Variants in ZFAT observed in about 807,000 individuals in gnomAD.
The protein encoded by ZFAT is zinc finger and AT-hook domain containing.
ZFAT carries 64 observed loss-of-function variants against 117.7 expected under a neutral mutation model. That is an observed-to-expected ratio of 0.54 (90% CI 0.44 to 0.67). ZFAT has a LOEUF of 0.67. Among genes scored for constraint, ZFAT ranks in the 30% least tolerant of loss-of-function variants. ZFAT has a pLI of 0.00. For synonymous variants in ZFAT, 679 were observed against 615.0 expected, an observed-to-expected ratio of 1.10 and a Z score of -1.54; for missense variants, 1,433 against 1,584.5, an observed-to-expected ratio of 0.90 and a Z score of 1.62.
intron 13 of ZFAT, among the ~76,000 whole-genome samples, chr8:134,517,389 C>T (rs964781211): frequency 6.6e-6 from 1 of 152,090 alleles, no homozygotes; most frequent in Non-Finnish European, 1.5e-5. Flanking sequence ...TCTCCTTTCC[C>T]TACATATAAT....
chr8:134,809,625 A>G, the ZFAT span, among the ~76,000 whole-genome samples: 1 of 152,206 alleles, frequency 6.6e-6, no homozygotes, highest in Non-Finnish European at 1.5e-5. Flanking sequence ...GACTAAATGC[A>G]TATTGCATTT....
rs1046386044 is a variant in ZFAT, at chr8:134,565,090, T to C, written c.2976+243A>G. 2 of 1,482,646 alleles carry C rather than the reference T, an allele frequency of 1.3e-6. 1 individual carries two copies. Among genetic ancestry groups the C allele is most frequent in the Admixed American group, 4.1e-5 (2 of 49,234 alleles). The allele number at this position is 1,482,646 out of a possible 1,614,324, so 91.8% of individuals were successfully genotyped here. ...TTTATGCAAAGATCGTGCCTTTTCT[T>C]CTGTCTGCATCCTCTTACACATCTT... On this transcript the variant is annotated intron_variant, in intron 11 of 15. Transcript: ENST00000377838.
At chr8:134,709,651 T>A (rs555962876) in intron 1 of ZFAT, among the ~76,000 whole-genome samples, 2 of 152,364 alleles carry the variant, frequency 1.3e-5, no homozygotes, top group East Asian at 3.9e-4. Context: ...TGCTTGAAAC[T>A]ATCTACAAAG....
chr8:134,569,464 C>A (rs181103734), intron 10 of ZFAT, among the ~76,000 whole-genome samples: 1 of 150,172 alleles, frequency 6.7e-6, no homozygotes, highest in African/African-American at 2.4e-5. Context: ...GTGCCACTAA[C>A]ACATAAGGTG....
At chr8:134,675,512 C>T (rs1832754625) in intron 1 of ZFAT, among the ~76,000 whole-genome samples, 1 of 152,176 alleles carries the variant, frequency 6.6e-6, no homozygotes, top group Non-Finnish European at 1.5e-5. Context: ...GAGAATGGAA[C>T]CAAGTTGGAA....
chr8:134,503,683 C>G (rs751216230), intron 15 of ZFAT, among the ~76,000 whole-genome samples: 1 of 152,174 alleles, frequency 6.6e-6, no homozygotes, highest in Non-Finnish European at 1.5e-5. Context: ...AGGTGACCCT[C>G]CCCTTTTGAA....
chr8:134,550,310 G>GAAAAAAGA (rs1823038511), intron 11 of ZFAT, among the ~76,000 whole-genome samples: 1 of 72,534 alleles, frequency 1.4e-5, no homozygotes, highest in Non-Finnish European at 2.6e-5. Flanking sequence ...GGTCACAACG[G>GAAAAAAGA]AAAAAAAAAA....
chr8:134,821,338 A>G, the ZFAT span, among the ~76,000 whole-genome samples: 2 of 152,298 alleles, frequency 1.3e-5, no homozygotes, highest in East Asian at 3.9e-4. Context: ...TGGCTGCCAA[A>G]AAAATGCAAT....
the ZFAT span, among the ~76,000 whole-genome samples, chr8:134,721,546 C>A: frequency 2.0e-5 from 3 of 152,148 alleles, no homozygotes; most frequent in Non-Finnish European, 4.4e-5. Context: ...ATGCTGCACC[C>A]GACGGCTCGC....
chr8:134,672,799 A>G (rs557991035), intron 1 of ZFAT, among the ~76,000 whole-genome samples: 11 of 152,158 alleles, frequency 7.2e-5, no homozygotes, highest in Admixed American at 7.2e-4. Context: ...TCAGGAATGG[A>G]GGGGAAATCA....
Position 134,602,525 on chromosome 8 carries a change from G to C in ZFAT, c.1194C>G (p.Gly398=). Reference sequence around the variant, plus strand: ...GGCAGTCATAGAGCAGCTGCCGCTTGCCCTCCCTCGTCATCAGGCAGAGCT... The same window carrying C: ...GGCAGTCATAGAGCAGCTGCCGCTTCCCCTCCCTCGTCATCAGGCAGAGCT... The part of the protein sequence containing the change: ...LDELCLMTRE[G]KRQLLYDCHI... Residue 398 remains glycine (G), a synonymous_variant, in exon 6 of 16, where the codon GGC becomes GGG. Transcript: ENST00000377838. The C allele has an allele frequency of 6.2e-7, 1 of 1,613,954 alleles. No homozygotes were observed. The highest frequency in any genetic ancestry group is 8.5e-7 in the Non-Finnish European group (1 of 1,180,030).
rs74483618 is a variant in ZFAT, at chr8:134,649,680, C to T, written c.196+7881G>A. Among the ~76,000 whole-genome samples, 1,042 of 152,204 alleles carry T rather than the reference C, an allele frequency of 6.8e-3. 10 individuals are homozygous for T. Among genetic ancestry groups the T allele is most frequent in the African/African-American group, 0.024 (977 of 41,534 alleles). ...AGTAAGACTTGAACATTGAAAAATA[C>T]AACACATTGTTGAAAGACATTAAAC... On this transcript the variant is annotated intron_variant, in intron 2 of 15. Transcript: ENST00000377838.
chr8:134,643,872 A>G (rs1490372339), intron 2 of ZFAT, among the ~76,000 whole-genome samples: 1 of 152,224 alleles, frequency 6.6e-6, no homozygotes, highest in Non-Finnish European at 1.5e-5. Flanking sequence ...ATGGAGCCTA[A>G]GTCTGATTCC....
At chr8:134,715,137 G>A (rs576886714), upstream of ZFAT, among the ~76,000 whole-genome samples, 3 of 152,312 alleles carry the variant, frequency 2.0e-5, no homozygotes, top group Non-Finnish European at 4.4e-5. Flanking sequence ...TCACAGCAGC[G>A]TTTAAATGTT....
At chr8:134,829,074 T>C in the ZFAT span, among the ~76,000 whole-genome samples, 1 of 152,202 alleles carries the variant, frequency 6.6e-6, no homozygotes, top group Non-Finnish European at 1.5e-5. Context: ...GATACTCCAC[T>C]AACTAAACTA....
intron 1 of ZFAT, among the ~76,000 whole-genome samples, chr8:134,685,416 G>A (rs772121116): frequency 2.3e-4 from 35 of 152,258 alleles, no homozygotes; most frequent in Admixed American, 2.0e-3. Flanking sequence ...CACAGCCAGC[G>A]TCATGGTTAG....
chr8:134,760,269 A>C, the ZFAT span, among the ~76,000 whole-genome samples: 1 of 64,078 alleles, frequency 1.6e-5, no homozygotes, highest in African/African-American at 1.0e-4. Flanking sequence ...CTCCGTCTCA[A>C]AAAGAAAAAA....
intron 15 of ZFAT, among the ~76,000 whole-genome samples, chr8:134,483,024 GA>G (rs1166163758): frequency 6.6e-6 from 1 of 152,230 alleles, no homozygotes; most frequent in Non-Finnish European, 1.5e-5. Flanking sequence ...ACGAAGGAGG[GA>G]GAGTGGGTTG....
At chr8:134,697,119 G>A (rs1833881976) in intron 1 of ZFAT, among the ~76,000 whole-genome samples, 1 of 149,996 alleles carries the variant, frequency 6.7e-6, no homozygotes, top group African/African-American at 2.5e-5. Flanking sequence ...GTTTGGTTTT[G>A]AGATGGAGTC....
Sources: gnomAD v4.1 joint callset for allele counts (sites outside exome capture counted in the v4.1 genomes callset) on GRCh38, gnomAD v4.1.1 for gene constraint, MANE v1.5 for transcripts, NCBI Gene and HGNC (gene_info 2026-07-23, HGNC 2026-07-21) for gene names.